Variants in BICD1 observed in about 807,000 individuals in gnomAD.
The protein encoded by BICD1 is BICD cargo adaptor 1.
Under a neutral mutation model 92.5 loss-of-function variants are expected in BICD1, and 35 were observed. That is an observed-to-expected ratio of 0.38 (90% CI 0.29 to 0.50). The LOEUF (loss-of-function observed/expected upper bound fraction) is 0.50. Among genes scored for constraint, BICD1 ranks in the 20% least tolerant of loss-of-function variants. The probability of loss-of-function intolerance (pLI) is 0.93; values close to 1 mark genes in which losing one functional copy is unlikely to be tolerated. For synonymous variants in BICD1, 429 were observed against 465.1 expected, an observed-to-expected ratio of 0.92 and a Z score of 1.00; for missense variants, 950 against 1,189.8, an observed-to-expected ratio of 0.80 and a Z score of 2.97.
At chr12:32,257,187 T>A (rs1946741584) in intron 2 of BICD1, among the ~76,000 whole-genome samples, 1 of 120,088 alleles carries the variant, frequency 8.3e-6, no homozygotes. Flanking sequence ...CACTCCAGCC[T>A]GGTGACAGAG....
intron 8 of BICD1, among the ~76,000 whole-genome samples, chr12:32,348,412 T>G (rs1225469460): frequency 1.3e-5 from 2 of 152,162 alleles, no homozygotes; most frequent in African/African-American, 4.8e-5. Context: ...AAGTTCCTTA[T>G]TTTAATCCTT....
chr12:32,184,118 A>C (rs897542991), intron 1 of BICD1, among the ~76,000 whole-genome samples: 2 of 152,156 alleles, frequency 1.3e-5, no homozygotes, highest in Non-Finnish European at 2.9e-5. Context: ...AAGAAGGCTG[A>C]GAATTTAGGG....
rs888244115 is a variant in BICD1, at chr12:32,107,209, A to T, written c.-123A>T. 9.4e-6 allele frequency: 9 copies of T among 952,994 alleles called. No individual in the cohort carries two copies. In the Admixed American group the frequency reaches 1.3e-4, roughly 14 times the overall value. 59.0% of individuals were successfully genotyped at this position (952,994 alleles called of 1,614,324 possible). A position where few individuals can be genotyped will look rare whatever the true frequency, so the allele number is the denominator to read the frequency against. ...CGGCGGGGCATCGCGCTGCTCATTC[A>T]TCCGGCCGCACTTTCTTTTCCGTTT... On this transcript the variant is annotated 5_prime_UTR_variant, in exon 1 of 10. Coordinates refer to ENST00000652176, the MANE Select transcript of BICD1 (RefSeq NM_001714.4).
chr12:32,210,835 T>G (rs1372900600), intron 1 of BICD1, among the ~76,000 whole-genome samples: 2 of 152,234 alleles, frequency 1.3e-5, no homozygotes, highest in Admixed American at 1.3e-4. Flanking sequence ...AGATTGAAGC[T>G]AGTTTTGTGA....
chr12:32,226,187 T>G (rs768527813), intron 2 of BICD1, among the ~76,000 whole-genome samples: 6 of 152,202 alleles, frequency 3.9e-5, no homozygotes, highest in Non-Finnish European at 7.3e-5. Flanking sequence ...CATGCTGGAA[T>G]GTAGTGGCAT....
intron 8 of BICD1, among the ~76,000 whole-genome samples, chr12:32,348,850 G>C (rs1444403804): frequency 6.8e-6 from 1 of 146,372 alleles, no homozygotes; most frequent in Non-Finnish European, 1.5e-5. Flanking sequence ...CCTGCCTCAG[G>C]CTCACTGAAG....
chr12:32,364,365 G>C (rs1199743435), intron 8 of BICD1, among the ~76,000 whole-genome samples: 1 of 152,114 alleles, frequency 6.6e-6, no homozygotes, highest in African/African-American at 2.4e-5. Flanking sequence ...AGATCACTCA[G>C]AGCCTGCAGC....
At chr12:32,247,737 G>A (rs752127650) in intron 2 of BICD1, among the ~76,000 whole-genome samples, 5 of 151,914 alleles carry the variant, frequency 3.3e-5, no homozygotes, top group Non-Finnish European at 7.3e-5. Context: ...AGGTTGCAGT[G>A]AGCCGAGATT....
chr12:32,213,540 C>T lies in BICD1; in HGVS notation c.214-2707C>T, dbSNP rs575932752. ...CCTCCCGTGTAGCTGGGACCACAGGCACACACCACCACGCCTGGCTAATTT... is the reference window on the plus strand; with the variant it reads ...CCTCCCGTGTAGCTGGGACCACAGGTACACACCACCACGCCTGGCTAATTT... On this transcript the variant is annotated intron_variant, in intron 1 of 9. Transcript: ENST00000652176. Among the ~76,000 whole-genome samples, 8 of 152,298 alleles carry T rather than the reference C, an allele frequency of 5.3e-5. No homozygotes were observed. In the East Asian group the frequency reaches 1.3e-3, roughly 26 times the overall value.
Position 32,379,688 on chromosome 12 carries a change from C to T in BICD1, c.*2061C>T, listed in dbSNP as rs1940117663. ...TTATTTTTCCCCCTTTCTCAAGCAC[C>T]ACGTATTTGGACCTGAGAAGTGGCA... On this transcript the variant is annotated 3_prime_UTR_variant, in exon 10 of 10. Coordinates refer to ENST00000652176, the MANE Select transcript of BICD1 (RefSeq NM_001714.4). 6.6e-6 allele frequency: 1 copy of T among 152,166 alleles called. No homozygotes were observed. Among genetic ancestry groups the T allele is most frequent in the South Asian group, 2.1e-4 (1 of 4,828 alleles). 9.4% of individuals were successfully genotyped at this position (152,166 alleles called of 1,614,324 possible).
chr12:32,290,622 C>T (rs1947700736), intron 2 of BICD1, among the ~76,000 whole-genome samples: 1 of 152,176 alleles, frequency 6.6e-6, no homozygotes, highest in Non-Finnish European at 1.5e-5. Context: ...AGTCATCTCC[C>T]AACCCTAGAT....
rs141117525 is a variant in BICD1, at chr12:32,333,197, C to G, written c.2101-1319C>G. The G allele has an allele frequency of 4.3e-4, 420 of 984,700 alleles. 5 individuals carry two copies. In the African/African-American group the frequency reaches 6.9e-3, roughly 16 times the overall value. 61.0% of individuals were successfully genotyped at this position (984,700 alleles called of 1,614,324 possible). On this transcript the variant is annotated intron_variant, in intron 5 of 9. Transcript: ENST00000652176. ...TTTTCTGTTTTAAATGAATATGTGT[C>G]TAAGCTTTTTAAACACTAAACAACT...
intron 2 of BICD1, among the ~76,000 whole-genome samples, chr12:32,258,895 G>A (rs958194087): frequency 2.0e-5 from 3 of 152,204 alleles, no homozygotes; most frequent in Non-Finnish European, 2.9e-5. Flanking sequence ...CCACAGGGAG[G>A]GGTTTAAGCC....
intron 2 of BICD1, among the ~76,000 whole-genome samples, chr12:32,280,882 T>C (rs1444844516): frequency 2.0e-5 from 3 of 152,210 alleles, no homozygotes; most frequent in Admixed American, 6.5e-5. Context: ...TGGGCTACCT[T>C]TGTATTGTTC....
rs764322861 is a variant in BICD1 at position 32,216,463 on chromosome 12, A to G, written c.426+4A>G. 9.9e-6 allele frequency: 16 copies of G among 1,613,430 alleles called. No individual in the cohort carries two copies. The South Asian group carries it at 1.8e-4, about 18-fold the overall frequency. ...AGTCGTGCAGGATCTGAAGGAGGTA[A>G]ATAAACAAATTCCCTATGAGAGATT... is the stretch of plus-strand genomic sequence containing the variant. On this transcript the variant is annotated splice_donor_region_variant and intron_variant, in intron 2 of 9. Transcript: ENST00000652176.
Position 32,277,327 on chromosome 12 carries a change from G to C in BICD1, c.427-16667G>C, listed in dbSNP as rs1053391796. The stretch of plus-strand genomic sequence containing the variant: ...GAAAATTGCTTGAACCGGGGAGGTG[G>C]GGGTTGCAGTGAGCTGAGATCATGC... On this transcript the variant is annotated intron_variant, in intron 2 of 9. Transcript: ENST00000652176. 2.0e-5 allele frequency among the ~76,000 whole-genome samples: 3 copies of C among 152,274 alleles called. No individual in the cohort carries two copies. The East Asian group carries it at 5.8e-4, about 29-fold the overall frequency.
In BICD1 at chr12:32,349,517, ACT is replaced by A. The variant is rs538166355; in HGVS notation, c.2764+10543_2764+10544del. ...TGGAAGGGCATCTCCCAGCTCTGAGACTCTCTGATGCTATGAATTCAAGTTAT... is the reference window on the plus strand; with the variant it reads ...TGGAAGGGCATCTCCCAGCTCTGAGACTCTGATGCTATGAATTCAAGTTAT... On this transcript the variant is annotated intron_variant, in intron 8 of 9. Coordinates refer to ENST00000652176, the MANE Select transcript of BICD1 (RefSeq NM_001714.4). 3.0e-3 allele frequency among the ~76,000 whole-genome samples: 456 copies of A among 152,070 alleles called. 3 individuals carry two copies. Among genetic ancestry groups the A allele is most frequent in the African/African-American group, 0.01 (430 of 41,486 alleles).
chr12:32,107,966 T>C lies in BICD1; in HGVS notation c.213+422T>C, dbSNP rs1941552070. On this transcript the variant is annotated intron_variant, in intron 1 of 9. Coordinates refer to ENST00000652176, the MANE Select transcript of BICD1 (RefSeq NM_001714.4). ...GGACCCACAATTTCAGGATTTAGAC[T>C]GTGTGGCACCTCAGCTTTCCTCTGG... 33 of 465,472 alleles carry C rather than the reference T, an allele frequency of 7.1e-5. No homozygotes were observed. The South Asian group carries it at 7.1e-4, about 10-fold the overall frequency. 28.8% of individuals were successfully genotyped at this position (465,472 alleles called of 1,614,324 possible). A position where few individuals can be genotyped will look rare whatever the true frequency, so the allele number is the denominator to read the frequency against.
chr12:32,354,900 T>G (rs1240738619), intron 8 of BICD1, among the ~76,000 whole-genome samples: 1 of 152,196 alleles, frequency 6.6e-6, no homozygotes, highest in African/African-American at 2.4e-5. Flanking sequence ...AATTCTCTAC[T>G]CTATATGTGT....
Sources: gnomAD v4.1 joint callset for allele counts (sites outside exome capture counted in the v4.1 genomes callset) on GRCh38, gnomAD v4.1.1 for gene constraint, MANE v1.5 for transcripts, NCBI Gene and HGNC (gene_info 2026-07-23, HGNC 2026-07-21) for gene names.